The following USP24 variants were observed in gnomAD, a reference collection of about 807,000 sequenced individuals.
The protein encoded by USP24 is ubiquitin carboxyl-terminal hydrolase 24.
USP24 carries 97 observed loss-of-function variants against 361.6 expected under a neutral mutation model. That is an observed-to-expected ratio of 0.27 (90% confidence interval 0.23 to 0.32). The LOEUF is 0.32. Among genes scored for constraint, USP24 ranks in the 10% least tolerant of loss-of-function variants. The pLI is 1.00. For synonymous variants in USP24, 1,098 were observed against 1,124.6 expected, an observed-to-expected ratio of 0.98 and a Z score of 0.47; for missense variants, 2,353 against 3,165.6, an observed-to-expected ratio of 0.74 and a Z score of 6.16.
intron 38 of USP24, among the ~76,000 whole-genome samples, chr1:55,111,681 C>T (rs530600985): frequency 4.6e-5 from 7 of 152,182 alleles, no homozygotes; most frequent in African/African-American, 1.7e-4. Flanking sequence ...CATAAATATA[C>T]AGCTGATGTC....
intron 58 of USP24, among the ~76,000 whole-genome samples, chr1:55,081,707 G>C (rs1309788333): frequency 1.3e-5 from 2 of 152,180 alleles, no homozygotes; most frequent in Non-Finnish European, 2.9e-5. Context: ...AGATCTGCAG[G>C]TCTGGCCCTG....
chr1:55,134,166 G>A lies in USP24; in HGVS notation c.3288-3C>T, dbSNP rs1454560981. On this transcript the variant is annotated splice_region_variant and splice_polypyrimidine_tract_variant and intron_variant, in intron 29 of 67. Coordinates refer to ENST00000294383, the MANE Select transcript of USP24 (RefSeq NM_015306.3). ...GCTTCCGTACTCGTAGAGTTATCCT[G>A]AAGTTTTTCAAATACAAATTTTTTC... 2 of 1,612,748 alleles carry A rather than the reference G, an allele frequency of 1.2e-6. No individual in the cohort carries two copies. The highest frequency in any genetic ancestry group is 1.7e-6 in the Non-Finnish European group (2 of 1,179,462).
At chr1:55,128,321 A>G (rs528527735) in intron 32 of USP24, among the ~76,000 whole-genome samples, 14 of 152,180 alleles carry the variant, frequency 9.2e-5, no homozygotes, top group African/African-American at 3.4e-4. Flanking sequence ...CACTGCTGCC[A>G]GAGTAATTGT....
intron 9 of USP24, among the ~76,000 whole-genome samples, chr1:55,159,262 A>G (rs1051042820): frequency 1.3e-5 from 2 of 152,350 alleles, no homozygotes; most frequent in Middle Eastern, 3.4e-3. Context: ...AAAATAAGTC[A>G]TATTAAATTT....
chr1:55,108,216 TAAACAATGTGCCA>T (rs1258133823), intron 39 of USP24, among the ~76,000 whole-genome samples: 1 of 152,202 alleles, frequency 6.6e-6, no homozygotes, highest in Non-Finnish European at 1.5e-5. Flanking sequence ...TCCAGGTTTC[TAAACAATGTGCCA>T]AACTCCTGAG....
chr1:55,214,053 G>A (rs1167171116), intron 1 of USP24, among the ~76,000 whole-genome samples: 1 of 151,616 alleles, frequency 6.6e-6, no homozygotes, highest in Non-Finnish European at 1.5e-5. Context: ...CCCCATCCCT[G>A]CCTAGACCCT....
At chr1:55,159,707 G>C (rs1401321030) in intron 8 of USP24, 22 bp from the exon 9 acceptor site, 1 of 1,546,328 alleles carries the variant, frequency 6.5e-7, no homozygotes, top group Non-Finnish European at 8.8e-7. Flanking sequence ...AAATGCTACA[G>C]TTAAGAACTC....
Position 55,141,748 on chromosome 1 carries a change from A to G in USP24, c.2635-17T>C. On this transcript the variant is annotated splice_polypyrimidine_tract_variant and intron_variant, in intron 23 of 67. Coordinates refer to ENST00000294383, the MANE Select transcript of USP24 (RefSeq NM_015306.3). The stretch of plus-strand genomic sequence containing the variant: ...ACTGGCTGCCTAAAAAATACCAAAC[A>G]GTCATTCTCTATCAGGGTTTCTCAA... The G allele has an allele frequency of 6.3e-7, 1 of 1,582,650 alleles. No individual in the cohort carries two copies. Among genetic ancestry groups the G allele is most frequent in the East Asian group, 2.3e-5 (1 of 43,764 alleles).
chr1:55,109,818 A>G (rs1003008457), intron 39 of USP24, among the ~76,000 whole-genome samples: 1 of 152,202 alleles, frequency 6.6e-6, no homozygotes, highest in African/African-American at 2.4e-5. Context: ...GACTTCTAAC[A>G]CTATCAACAT....
chr1:55,201,600 C>CAAAAAAAAAA (rs56659823), intron 1 of USP24, among the ~76,000 whole-genome samples: 1 of 35,448 alleles, frequency 2.8e-5, no homozygotes, highest in Admixed American at 4.7e-4. Flanking sequence ...GACTCCATCT[C>CAAAAAAAAAA]AAAAAAAAAA....
At chr1:55,136,597 T>A (rs1233924319) in intron 28 of USP24, among the ~76,000 whole-genome samples, 1 of 152,084 alleles carries the variant, frequency 6.6e-6, no homozygotes, top group East Asian at 1.9e-4. Flanking sequence ...AAGCTGTGGA[T>A]GCAGAAAAAA....
chr1:55,144,332 A>G, intron 20 of USP24, 129 bp from the exon 21 acceptor site: 1 of 499,246 alleles, frequency 2.0e-6, no homozygotes, highest in East Asian at 3.4e-5. Flanking sequence ...TATGGTACCA[A>G]AGCAGAAGCA....
At chr1:55,190,232 T>C (rs1453290738) in intron 1 of USP24, among the ~76,000 whole-genome samples, 1 of 150,876 alleles carries the variant, frequency 6.6e-6, no homozygotes, top group East Asian at 1.9e-4. Flanking sequence ...AAATATACCA[T>C]GTTGCCTCCT....
At chr1:55,109,938 T>C (rs1471017717) in intron 39 of USP24, among the ~76,000 whole-genome samples, 3 of 152,184 alleles carry the variant, frequency 2.0e-5, no homozygotes, top group Non-Finnish European at 1.5e-5. Flanking sequence ...GTAATTAAAA[T>C]ATGAGCCTTT....
intron 59 of USP24, 79 bp from the exon 60 acceptor site, chr1:55,079,738 T>C: frequency 7.5e-7 from 1 of 1,327,882 alleles, no homozygotes; most frequent in Non-Finnish European, 1.0e-6. Flanking sequence ...TAAGAAAATG[T>C]GCCTCCTTCA....
rs1400996163 is a variant in USP24 at position 55,157,024 on chromosome 1, T to C, written c.1370A>G (p.Asp457Gly). The C allele has an allele frequency of 6.2e-7, 1 of 1,613,244 alleles. No homozygotes were observed. The highest frequency in any genetic ancestry group is 2.2e-5 in the East Asian group (1 of 44,812). Residue 457 changes from aspartate to glycine, a missense_variant, in exon 12 of 68, where the codon GAC becomes GGC. Asp to Gly is a moderately conservative substitution (Grantham distance 94). Around this residue, in one of 8 missense-constraint regions of USP24, gnomAD observed 386 missense variants for 560.5 expected, o/e 0.69. Coordinates refer to ENST00000294383, the MANE Select transcript of USP24 (RefSeq NM_015306.3). ...EGNIDQAQYC[D>G]RIKGIIELLG... ...GAGTTCAATAATTCCCTTTATACGG[T>C]CACAGTATTGTGCTTGGTCTATGTT...
At chr1:55,134,745 T>C (rs1646687448) in intron 28 of USP24, among the ~76,000 whole-genome samples, 1 of 152,212 alleles carries the variant, frequency 6.6e-6, no homozygotes, top group African/African-American at 2.4e-5. Context: ...ACCACTGAGC[T>C]AATGACTGCT....
chr1:55,188,900 TG>T (rs1644207239), intron 1 of USP24, among the ~76,000 whole-genome samples: 1 of 139,392 alleles, frequency 7.2e-6, no homozygotes, highest in African/African-American at 2.8e-5. Flanking sequence ...GCGGAGGTTG[TG>T]GTGAGCAGAG....
At chr1:55,132,774 G>A (rs562216216) in intron 30 of USP24, 74 bp from the exon 31 acceptor site, 66 of 1,403,864 alleles carry the variant, frequency 4.7e-5, no homozygotes, top group Middle Eastern at 1.8e-4. Context: ...CTTAGTACAC[G>A]TCCTAATATT....
Sources: allele counts gnomAD v4.1 joint callset (sites outside exome capture counted in the v4.1 genomes callset), GRCh38; gene constraint gnomAD v4.1.1; regional missense constraint gnomAD v4.1.1; transcripts MANE v1.5; gene names NCBI Gene and HGNC (gene_info 2026-07-23, HGNC 2026-07-21).